PCDH15: variants seen among roughly 807,000 people sequenced by gnomAD.
The protein encoded by PCDH15 is protocadherin related 15.
A neutral mutation model predicts 178.5 loss-of-function variants in PCDH15; 129 were observed. That is an observed-to-expected ratio of 0.72 (90% confidence interval 0.63 to 0.84). The LOEUF is 0.84. PCDH15 is among the 40% of genes least tolerant of loss of function. PCDH15 has a pLI of 0.00. For synonymous variants in PCDH15, 800 were observed against 732.0 expected (o/e 1.09, Z -1.50); for missense variants, 2,230 against 2,099.9 (o/e 1.06, Z -1.21).
intron 2 of PCDH15, among the ~76,000 whole-genome samples, chr10:55,341,089 A>G (rs1844544210): frequency 6.6e-6 from 1 of 151,914 alleles, no homozygotes; most frequent in South Asian, 2.1e-4. Flanking sequence ...AAATTTAATT[A>G]GCCAAATAGT....
chr10:54,187,312 T>C (rs570365513), intron 11 of PCDH15, among the ~76,000 whole-genome samples: 1 of 152,086 alleles, frequency 6.6e-6, no homozygotes, highest in East Asian at 1.9e-4. Flanking sequence ...TATTCACTCA[T>C]ATCTTCACAT....
intron 1 of PCDH15, among the ~76,000 whole-genome samples, chr10:54,731,541 G>GATATATATATATATATATATATAT (rs1227921777): frequency 0.052 from 3,546 of 67,628 alleles, 706 homozygotes; most frequent in Non-Finnish European, 0.066. Flanking sequence ...GAAAATGTGA[G>GATATATATATATATATATATATAT]ATAGATATAT....
At chr10:54,005,570 T>C (rs570679516) in intron 20 of PCDH15, among the ~76,000 whole-genome samples, 5 of 152,206 alleles carry the variant, frequency 3.3e-5, no homozygotes, top group Non-Finnish European at 7.4e-5. Context: ...CTCAACATCA[T>C]TGATCATCAG....
intron 2 of PCDH15, among the ~76,000 whole-genome samples, chr10:55,087,026 G>C (rs1180417478): frequency 6.6e-6 from 1 of 151,984 alleles, no homozygotes; most frequent in Admixed American, 6.6e-5. Context: ...TAAAATCAAA[G>C]TTTTACAAAC....
intron 28 of PCDH15, among the ~76,000 whole-genome samples, chr10:53,846,345 T>G (rs1347878219): frequency 6.6e-6 from 1 of 151,906 alleles, no homozygotes. Flanking sequence ...AATGTCTATT[T>G]AATTATGTCA....
rs189359233 is a variant in PCDH15, at chr10:54,406,562, A to G, written c.158-27620T>C. Among the ~76,000 whole-genome samples the G allele has an allele frequency of 1.4e-4, 21 of 152,240 alleles. No homozygotes were observed. In the East Asian group the frequency reaches 2.3e-3, roughly 17 times the overall value. On this transcript the variant is annotated intron_variant, in intron 3 of 37. Coordinates refer to ENST00000644397, the MANE Select transcript of PCDH15 (RefSeq NM_001384140.1). ...TTATTAGATTGTGAGCCACATAAAAACAGCCCAGGAGTCATAATTTGGCAA... is the reference window on the plus strand; with the variant it reads ...TTATTAGATTGTGAGCCACATAAAAGCAGCCCAGGAGTCATAATTTGGCAA...
chr10:54,528,624 A>T (rs1029007982), intron 2 of PCDH15, among the ~76,000 whole-genome samples: 1 of 152,052 alleles, frequency 6.6e-6, no homozygotes, highest in Non-Finnish European at 1.5e-5. Flanking sequence ...AATACACATC[A>T]TTAGCATTTT....
At chr10:54,774,882 C>G (rs376684200) in intron 1 of PCDH15, among the ~76,000 whole-genome samples, 121 of 151,952 alleles carry the variant, frequency 8.0e-4, no homozygotes, top group African/African-American at 2.6e-3. Context: ...TGTCCTCCTG[C>G]CTTGAAGATA....
chr10:55,581,643 CTT>C (rs1451747301), intron 2 of PCDH15, among the ~76,000 whole-genome samples: 2 of 151,986 alleles, frequency 1.3e-5, no homozygotes, highest in Non-Finnish European at 2.9e-5. Context: ...AAAATTAAAA[CTT>C]AATTTTAGTT....
chr10:55,148,613 A>C (rs1002380365), intron 2 of PCDH15, among the ~76,000 whole-genome samples: 2 of 151,802 alleles, frequency 1.3e-5, no homozygotes, highest in Non-Finnish European at 2.9e-5. Context: ...TCTACAATTA[A>C]ATGTAAGTTA....
intron 26 of PCDH15, among the ~76,000 whole-genome samples, chr10:53,902,027 G>T (rs1048243697): frequency 6.6e-6 from 1 of 152,112 alleles, no homozygotes; most frequent in Non-Finnish European, 1.5e-5. Context: ...TTCTAGAACA[G>T]TGTTTAGCAC....
In PCDH15 at chr10:55,236,772, TAAG is replaced by T. The variant is rs1374903330; in HGVS notation, c.-155-70124_-155-70122del. ...ATTAGCTATAAGTGTACATCAACAT[TAAG>T]AACATTATATTTATACAATTGGTAA... On this transcript the variant is annotated intron_variant, in intron 1 of 5. Transcript: ENST00000458638. Among the ~76,000 whole-genome samples, 3 of 152,022 alleles carry T rather than the reference TAAG, an allele frequency of 2.0e-5. No homozygotes were observed. In the South Asian group the frequency reaches 6.2e-4, roughly 31 times the overall value.
intron 3 of PCDH15, among the ~76,000 whole-genome samples, chr10:54,402,888 T>C (rs1476864635): frequency 1.3e-5 from 2 of 151,992 alleles, no homozygotes; most frequent in Non-Finnish European, 2.9e-5. Context: ...CAATGGCTTC[T>C]AAGGGTTCAA....
rs187487419 is a variant in PCDH15, at chr10:54,078,704, G to A, written c.2091+627C>T. Among the ~76,000 whole-genome samples, 166 of 151,762 alleles carry A rather than the reference G, an allele frequency of 1.1e-3. 1 individual carries two copies. The highest frequency in any genetic ancestry group is 2.1e-3 in the South Asian group (10 of 4,824). The stretch of plus-strand genomic sequence containing the variant: ...GATGCTGGCAGTTGTGAATGAGATC[G>A]TTCAAATAACACAGACAAGTGATTT... On this transcript the variant is annotated intron_variant, in intron 17 of 37. Coordinates refer to ENST00000644397, the MANE Select transcript of PCDH15 (RefSeq NM_001384140.1).
At chr10:54,660,622 C>A (rs528974353) in intron 2 of PCDH15, among the ~76,000 whole-genome samples, 1 of 152,122 alleles carries the variant, frequency 6.6e-6, no homozygotes, top group South Asian at 2.1e-4. Flanking sequence ...AAACCAGTAT[C>A]ATCCTGATAC....
intron 8 of PCDH15, among the ~76,000 whole-genome samples, chr10:54,296,169 A>AAAAAAAAAAAAAAAAAAT (rs2059769716): frequency 7.0e-6 from 1 of 142,526 alleles, no homozygotes; most frequent in African/African-American, 2.6e-5. Context: ...AAAAAAAAAA[A>AAAAAAAAAAAAAAAAAAT]GTGGTTGGCA....
intron 1 of PCDH15, among the ~76,000 whole-genome samples, chr10:55,279,487 T>G (rs1201088917): frequency 1.3e-5 from 2 of 152,182 alleles, no homozygotes; most frequent in African/African-American, 4.8e-5. Context: ...GTCTTCTGAT[T>G]AGGCTGACTT....
At chr10:54,140,975 C>T (rs2043354979) in intron 14 of PCDH15, among the ~76,000 whole-genome samples, 1 of 152,098 alleles carries the variant, frequency 6.6e-6, no homozygotes, top group African/African-American at 2.4e-5. Context: ...AGCCACCATG[C>T]CTGACCTATT....
At chr10:54,544,982 C>T (rs1210754070) in intron 2 of PCDH15, among the ~76,000 whole-genome samples, 1 of 152,010 alleles carries the variant, frequency 6.6e-6, no homozygotes, top group African/African-American at 2.4e-5. Flanking sequence ...GAGACAAGAC[C>T]TAGGAAATGA....
Sources: allele counts gnomAD v4.1 joint callset (sites outside exome capture counted in the v4.1 genomes callset), GRCh38; gene constraint gnomAD v4.1.1; transcripts MANE v1.5; gene names NCBI Gene and HGNC (gene_info 2026-07-23, HGNC 2026-07-21).